The following SVEP1 variants were observed in gnomAD, a reference collection of about 807,000 sequenced individuals.
SVEP1 encodes the protein sushi, von Willebrand factor type A, EGF and pentraxin domain containing 1.
A neutral mutation model predicts 367.3 loss-of-function variants in SVEP1; 164 were observed. The observed-to-expected ratio is 0.45, with a 90% CI of 0.39 to 0.51. The LOEUF is 0.51. Ranked by LOEUF, SVEP1 falls within the 20% of genes least tolerant of loss-of-function variation. The pLI is 0.00. For synonymous variants in SVEP1, 1,666 were observed against 1,611.6 expected, an observed-to-expected ratio of 1.03 and a Z score of -0.81; for missense variants, 4,117 against 4,425.3, an observed-to-expected ratio of 0.93 and a Z score of 1.98.
At chr9:110,525,408 T>C (rs898744065) in intron 3 of SVEP1, among the ~76,000 whole-genome samples, 2 of 152,218 alleles carry the variant, frequency 1.3e-5, no homozygotes, top group African/African-American at 2.4e-5. Flanking sequence ...TTATATACTA[T>C]ACAATGCTGA....
At chr9:110,468,339 T>C (rs1475898178) in intron 17 of SVEP1, among the ~76,000 whole-genome samples, 1 of 152,270 alleles carries the variant, frequency 6.6e-6, no homozygotes, top group East Asian at 1.9e-4. Context: ...ATTTGCCATT[T>C]AGATTTCAGG....
intron 8 of SVEP1, among the ~76,000 whole-genome samples, chr9:110,494,995 T>A (rs1440997047): frequency 2.0e-5 from 3 of 152,194 alleles, no homozygotes; most frequent in Non-Finnish European, 2.9e-5. Flanking sequence ...GTCTGTTCAC[T>A]CTCCTTCTCA....
At chr9:110,552,256 T>G (rs993366609) in intron 1 of SVEP1, among the ~76,000 whole-genome samples, 1 of 151,838 alleles carries the variant, frequency 6.6e-6, no homozygotes, top group Non-Finnish European at 1.5e-5. Context: ...GGTCTTGATC[T>G]CCTGACCTCG....
At chr9:110,389,728 A>C in intron 40 of SVEP1, 141 bp from the exon 41 acceptor site, 1 of 865,912 alleles carries the variant, frequency 1.2e-6, no homozygotes, top group Non-Finnish European at 1.7e-6. Context: ...CATTTTTGAA[A>C]GTCTAAATCT....
chr9:110,386,149 T>C (rs1827518772), intron 42 of SVEP1, 75 bp from the exon 43 acceptor site: 3 of 1,512,808 alleles, frequency 2.0e-6, no homozygotes, highest in African/African-American at 2.8e-5. Context: ...GGTGGAGTAG[T>C]AGTCCTATAA....
chr9:110,402,323 A>T (rs1258741986), intron 39 of SVEP1, among the ~76,000 whole-genome samples: 1 of 152,108 alleles, frequency 6.6e-6, no homozygotes, highest in African/African-American at 2.4e-5. Context: ...TAGTTTCTGG[A>T]GAGACTGGTC....
chr9:110,525,228 C>T (rs1829926044), intron 3 of SVEP1, among the ~76,000 whole-genome samples: 1 of 152,006 alleles, frequency 6.6e-6, no homozygotes, highest in South Asian at 2.1e-4. Context: ...AGCAAAAAAC[C>T]AAAACACTCC....
rs1174683118 is a variant in SVEP1 at position 110,503,278 on chromosome 9, C to A, written c.1304-61G>T. On this transcript the variant is annotated intron_variant, in intron 5 of 47. Coordinates refer to ENST00000374469, the MANE Select transcript of SVEP1 (RefSeq NM_153366.4). The stretch of plus-strand genomic sequence containing the variant: ...TAAATAAGGATAAAAATAATAATTA[C>A]AAGTTTAGCAATGCCTGCACATTGC... The A allele has an allele frequency of 2.0e-6, 3 of 1,511,516 alleles. No homozygotes were observed. The African/African-American group carries it at 4.2e-5, about 21-fold the overall frequency. 93.6% of individuals were successfully genotyped at this position (1,511,516 alleles called of 1,614,324 possible).
At position 110,407,953 on chromosome 9, in the gene SVEP1, T is replaced by C. The variant is rs1229231020; in HGVS notation, c.7647A>G (p.Pro2549=). The C allele has an allele frequency of 1.2e-6, 2 of 1,613,974 alleles. No individual in the cohort carries two copies. The highest frequency in any genetic ancestry group is 4.5e-5 in the East Asian group (2 of 44,878). Residue 2549 remains proline, a synonymous_variant, in exon 38 of 48, where the codon CCA becomes CCG. Coordinates refer to ENST00000374469, the MANE Select transcript of SVEP1 (RefSeq NM_153366.4). ...LETGDWDVDA[P]SCNAIHCDSP... ...AATCACAGTGGATGGCATTGCAAGA[T>C]GGGGCATCTACATCCCAATCACCTG...
At chr9:110,434,205 A>C in intron 30 of SVEP1, 131 bp downstream of exon 30, 9 of 1,076,628 alleles carry the variant, frequency 8.4e-6, no homozygotes, top group Non-Finnish European at 1.2e-5. Context: ...TTAAACAAAG[A>C]AAAGGTTCAA....
chr9:110,424,809 G>A (rs1330742711), intron 36 of SVEP1, among the ~76,000 whole-genome samples: 24 of 152,124 alleles, frequency 1.6e-4, no homozygotes, highest in Non-Finnish European at 5.9e-5. Context: ...CGAGTAGCTG[G>A]GATTATAGGC....
intron 27 of SVEP1, among the ~76,000 whole-genome samples, chr9:110,439,189 G>A (rs528856538): frequency 5.1e-4 from 78 of 152,176 alleles, no homozygotes; most frequent in Non-Finnish European, 1.0e-3. Flanking sequence ...GTTCATGAGG[G>A]TAGGGCCCAC....
intron 45 of SVEP1, among the ~76,000 whole-genome samples, chr9:110,375,772 G>A (rs1234457720): frequency 2.0e-5 from 3 of 148,704 alleles, no homozygotes; most frequent in Non-Finnish European, 4.4e-5. Context: ...CACAAAATAA[G>A]CAGAACGGTC....
At chr9:110,387,170 T>C in intron 42 of SVEP1, 115 bp downstream of exon 42, 1 of 1,052,092 alleles carries the variant, frequency 9.5e-7, no homozygotes, top group Non-Finnish European at 1.3e-6. Context: ...AGGCATTAAT[T>C]GCTTTCTCTG....
intron 1 of SVEP1, among the ~76,000 whole-genome samples, chr9:110,555,514 T>A (rs1204819036): frequency 6.6e-6 from 1 of 152,310 alleles, no homozygotes; most frequent in African/African-American, 2.4e-5. Flanking sequence ...TTAATATTAA[T>A]GTAGCTCCTG....
intron 9 of SVEP1, among the ~76,000 whole-genome samples, chr9:110,486,446 C>G (rs1489913883): frequency 6.6e-6 from 1 of 152,144 alleles, no homozygotes; most frequent in African/African-American, 2.4e-5. Context: ...GAGAAGCATT[C>G]CTGGCTTGAC....
At chr9:110,572,816 A>AAAAAAAAAAAAAAAAAAGAG (rs1830582107) in intron 1 of SVEP1, among the ~76,000 whole-genome samples, 1 of 138,204 alleles carries the variant, frequency 7.2e-6, no homozygotes, top group Non-Finnish European at 1.6e-5. Flanking sequence ...AAAAAAAAAA[A>AAAAAAAAAAAAAAAAAAGAG]TGAGTACTAC....
chr9:110,499,286 G>T, intron 6 of SVEP1, 48 bp from the exon 7 acceptor site: 2 of 1,530,704 alleles, frequency 1.3e-6, no homozygotes, highest in Non-Finnish European at 1.8e-6. Context: ...CCACAAATTG[G>T]AAATGCCATG....
intron 20 of SVEP1, among the ~76,000 whole-genome samples, 160 bp from the exon 21 acceptor site, chr9:110,457,512 C>A (rs1253349839): frequency 6.6e-6 from 1 of 152,162 alleles, no homozygotes; most frequent in Non-Finnish European, 1.5e-5. Context: ...AACACTGGTG[C>A]CTGCCATATA....
Sources: gnomAD v4.1 joint callset for allele counts (sites outside exome capture counted in the v4.1 genomes callset) on GRCh38, gnomAD v4.1.1 for gene constraint, MANE v1.5 for transcripts, NCBI Gene and HGNC (gene_info 2026-07-23, HGNC 2026-07-21) for gene names.